The following HEMK2 variants were observed in gnomAD, a reference collection of about 807,000 sequenced individuals.
HEMK2 encodes HemK methyltransferase 2, ETF1 glutamine and histone H4 lysine.
chr21:28,793,412 C>T, the HEMK2 span, among the ~76,000 whole-genome samples: 3 of 152,024 alleles, frequency 2.0e-5, no homozygotes, highest in South Asian at 2.1e-4. Flanking sequence ...TAAATATCCC[C>T]GGGATAAATT....
At chr21:28,765,193 G>A in the HEMK2 span, among the ~76,000 whole-genome samples, 1 of 152,050 alleles carries the variant, frequency 6.6e-6, no homozygotes, top group Non-Finnish European at 1.5e-5. Context: ...TCAACCTAAC[G>A]TGCCACAAGG....
At chr21:28,824,963 A>C in the HEMK2 span, among the ~76,000 whole-genome samples, 2 of 152,214 alleles carry the variant, frequency 1.3e-5, no homozygotes, top group Non-Finnish European at 2.9e-5. Context: ...TCCTGTGCCC[A>C]GTTAACCCGT....
At chr21:28,633,301 T>TC in the HEMK2 span, among the ~76,000 whole-genome samples, 1 of 152,242 alleles carries the variant, frequency 6.6e-6, no homozygotes, top group East Asian at 1.9e-4. Flanking sequence ...AAGCTGTCTC[T>TC]CCCCATGAGC....
the HEMK2 span, among the ~76,000 whole-genome samples, chr21:28,635,966 C>T: frequency 1.3e-5 from 2 of 152,068 alleles, no homozygotes; most frequent in African/African-American, 4.8e-5. Flanking sequence ...TGGCTGGTGG[C>T]TATTGGACAA....
At chr21:28,811,194 A>C in the HEMK2 span, among the ~76,000 whole-genome samples, 1 of 151,444 alleles carries the variant, frequency 6.6e-6, no homozygotes, top group South Asian at 2.1e-4. Context: ...TTAGCCAACA[A>C]ATTGAGATCT....
the HEMK2 span, among the ~76,000 whole-genome samples, chr21:28,720,030 C>CA: frequency 6.6e-6 from 1 of 152,164 alleles, no homozygotes; most frequent in African/African-American, 2.4e-5. Context: ...CTGTTTTTTA[C>CA]ATTTGTGTGC....
the HEMK2 span, chr21:28,883,109 C>CA: frequency 1.4e-6 from 2 of 1,403,334 alleles, no homozygotes; most frequent in Non-Finnish European, 2.0e-6. Context: ...ATAGTAGAAT[C>CA]AAAATACTCT....
chr21:28,869,293 G>A, the HEMK2 span, among the ~76,000 whole-genome samples: 3 of 152,120 alleles, frequency 2.0e-5, no homozygotes, highest in Non-Finnish European at 4.4e-5. Flanking sequence ...TTAAACCGTG[G>A]TTACATTCCT....
At chr21:28,862,777 C>T in the HEMK2 span, among the ~76,000 whole-genome samples, 1 of 152,216 alleles carries the variant, frequency 6.6e-6, no homozygotes, top group Non-Finnish European at 1.5e-5. Context: ...TACACTTGTA[C>T]TAAGAAAATA....
chr21:28,662,942 G>A, the HEMK2 span, among the ~76,000 whole-genome samples: 1 of 151,952 alleles, frequency 6.6e-6, no homozygotes, highest in Non-Finnish European at 1.5e-5. Flanking sequence ...CTTTCCCCAA[G>A]CCCAATCTTA....
the HEMK2 span, among the ~76,000 whole-genome samples, chr21:28,794,413 T>C: frequency 1.3e-5 from 2 of 152,194 alleles, no homozygotes; most frequent in South Asian, 2.1e-4. Context: ...TCATGTCCAG[T>C]TGGGACAGCA....
chr21:28,728,142 C>A, the HEMK2 span, among the ~76,000 whole-genome samples: 3 of 152,204 alleles, frequency 2.0e-5, no homozygotes, highest in African/African-American at 7.2e-5. Flanking sequence ...TAATTTGCTA[C>A]AGTGGCAATA....
chr21:28,689,690 T>A, the HEMK2 span, among the ~76,000 whole-genome samples: 2 of 152,208 alleles, frequency 1.3e-5, no homozygotes, highest in Admixed American at 1.3e-4. Flanking sequence ...ACATTGAAGA[T>A]GGAACTAAGG....
At chr21:28,793,611 G>C in the HEMK2 span, among the ~76,000 whole-genome samples, 1 of 152,134 alleles carries the variant, frequency 6.6e-6, no homozygotes, top group African/African-American at 2.4e-5. Context: ...GGTGAGTGGT[G>C]GTCCCTGAAA....
chr21:28,613,668 C>G, the HEMK2 span, among the ~76,000 whole-genome samples: 14 of 119,072 alleles, frequency 1.2e-4, no homozygotes, highest in Non-Finnish European at 2.1e-4. Flanking sequence ...AAAACCAGGA[C>G]CTATCTAACA....
the HEMK2 span, among the ~76,000 whole-genome samples, chr21:28,703,721 A>G: frequency 6.6e-6 from 1 of 152,234 alleles, no homozygotes; most frequent in Non-Finnish European, 1.5e-5. Context: ...TACGTTCCAC[A>G]TCCCTTACAT....
the HEMK2 span, among the ~76,000 whole-genome samples, chr21:28,783,532 C>T: frequency 5.3e-5 from 8 of 152,206 alleles, no homozygotes; most frequent in African/African-American, 7.2e-5. Flanking sequence ...GTTTTGACTG[C>T]GACCTGTCAC....
chr21:28,841,391 A>AATTTATATATATAATATAT, the HEMK2 span, among the ~76,000 whole-genome samples: 1 of 29,260 alleles, frequency 3.4e-5, no homozygotes, highest in South Asian at 8.0e-4. Flanking sequence ...TAATATATAA[A>AATTTATATATATAATATAT]ATATTATATA....
At chr21:28,715,589 T>C in the HEMK2 span, among the ~76,000 whole-genome samples, 27 of 152,284 alleles carry the variant, frequency 1.8e-4, no homozygotes, top group African/African-American at 6.3e-4. Context: ...ATTCTGTAGG[T>C]TGTCTGTTTA....
Sources: allele counts gnomAD v4.1 joint callset (sites outside exome capture counted in the v4.1 genomes callset), GRCh38; gene constraint gnomAD v4.1.1; transcripts MANE v1.5; gene names NCBI Gene and HGNC (gene_info 2026-07-23, HGNC 2026-07-21).